The following TRPM7 variants were observed in gnomAD, a reference collection of about 807,000 sequenced individuals.
TRPM7 encodes LTRPC ion channel family member 7.
A neutral mutation model predicts 229.7 loss-of-function variants in TRPM7; 134 were observed. The ratio of observed to expected loss-of-function variants is 0.58; its 90% CI spans 0.51 to 0.67. The LOEUF (loss-of-function observed/expected upper bound fraction) is 0.67. Among genes scored for constraint, TRPM7 ranks in the 30% least tolerant of loss-of-function variants. TRPM7 has a pLI of 0.00. For missense variants in TRPM7, 1,901 were observed against 2,210.0 expected (o/e 0.86, Z 2.80); for synonymous variants, 699 against 715.2 (o/e 0.98, Z 0.36).
chr15:50,592,271 C>T lies in TRPM7; in HGVS notation c.3964G>A (p.Asp1322Asn), dbSNP rs778372316. 8.1e-6 allele frequency: 13 copies of T among 1,613,692 alleles called. No individual in the cohort carries two copies. The highest frequency in any genetic ancestry group is 3.3e-5 in the Admixed American group (2 of 59,950). ...PFHCNILMKDDKDPQCNIFGQ... is the reference protein window; with the variant it reads ...PFHCNILMKDNKDPQCNIFGQ... The stretch of plus-strand genomic sequence containing the variant: ...AATATATTACACTGGGGATCTTTGT[C>T]ATCTTTCATTAAAATATTACAATGA... The change falls in exon 26 of 39, where the codon GAC (aspartate) becomes AAC (asparagine). Residue 1322 changes from aspartate (D) to asparagine (N), a missense_variant. Coordinates refer to ENST00000646667, the MANE Select transcript of TRPM7 (RefSeq NM_017672.6).
At chr15:50,589,720 C>A in intron 26 of TRPM7, 64 bp from the exon 27 acceptor site, 1 of 1,078,140 alleles carries the variant, frequency 9.3e-7, no homozygotes, top group South Asian at 1.4e-5. Flanking sequence ...AATAATGGCA[C>A]TGCTTAAAGT....
intron 4 of TRPM7, among the ~76,000 whole-genome samples, chr15:50,648,069 C>A (rs565526549): frequency 6.6e-5 from 10 of 152,224 alleles, no homozygotes; most frequent in African/African-American, 1.9e-4. Context: ...AGCCACTGTG[C>A]CTGGCCTATA....
chr15:50,611,354 A>G, intron 16 of TRPM7, 33 bp from the exon 17 acceptor site: 1 of 1,540,638 alleles, frequency 6.5e-7, no homozygotes, highest in Non-Finnish European at 8.9e-7. Context: ...ATATACTCAG[A>G]TTAACAAACT....
chr15:50,669,527 T>A (rs1311383180), intron 1 of TRPM7, among the ~76,000 whole-genome samples: 1 of 152,160 alleles, frequency 6.6e-6, no homozygotes, highest in East Asian at 1.9e-4. Flanking sequence ...CAAAGCCAAT[T>A]TCGAAAGCCT....
chr15:50,603,728 T>C (rs944520716), intron 21 of TRPM7, among the ~76,000 whole-genome samples: 18 of 152,092 alleles, frequency 1.2e-4, no homozygotes, highest in Non-Finnish European at 1.5e-4. Context: ...GACATTTGGG[T>C]TGGTTCCAAG....
intron 7 of TRPM7, among the ~76,000 whole-genome samples, chr15:50,635,566 G>C (rs566198880): frequency 6.6e-6 from 1 of 150,386 alleles, no homozygotes; most frequent in Non-Finnish European, 1.5e-5. Context: ...GGGAGGCTGA[G>C]GCAGGAGAAT....
rs567465781 is a variant in TRPM7 at position 50,638,056 on chromosome 15, AAACTACAAAAATTAGAT to A, written c.661-480_661-464del. 2.0e-5 allele frequency among the ~76,000 whole-genome samples: 3 copies of A among 151,978 alleles called. No homozygotes were observed. The East Asian group carries it at 5.8e-4, about 29-fold the overall frequency. ...ACATGGTGAAACCCCATCTCTACTA[AAACTACAAAAATTAGAT>A]GGGAGGCCGGGCGCGGTGGCTCACG... On this transcript the variant is annotated intron_variant, in intron 6 of 38. Transcript: ENST00000646667.
Position 50,607,346 on chromosome 15 carries a change from G to C in TRPM7, c.2581-18C>G. ...TATGCCAACTAATGAAAAAGTAAAG[G>C]TTACATAAATAACATTGGTTACAAA... On this transcript the variant is annotated intron_variant, in intron 19 of 38. Transcript: ENST00000646667. 1 of 1,521,394 alleles carries C rather than the reference G, an allele frequency of 6.6e-7. No individual in the cohort carries two copies. Among genetic ancestry groups the C allele is most frequent in the Non-Finnish European group, 8.8e-7 (1 of 1,132,048 alleles). The allele number at this position is 1,521,394 out of a possible 1,614,324, so 94.2% of individuals were successfully genotyped here. A position where few individuals can be genotyped will look rare whatever the true frequency, so the allele number is the denominator to read the frequency against.
chr15:50,636,382 G>A (rs2060908527), intron 7 of TRPM7, among the ~76,000 whole-genome samples: 1 of 151,984 alleles, frequency 6.6e-6, no homozygotes, highest in African/African-American at 2.4e-5. Context: ...GGAGAGACAG[G>A]GTTTCACCAT....
intron 3 of TRPM7, among the ~76,000 whole-genome samples, chr15:50,655,677 T>C (rs1481419972): frequency 6.6e-6 from 1 of 151,970 alleles, no homozygotes; most frequent in Non-Finnish European, 1.5e-5. Flanking sequence ...AAACAAAAGC[T>C]ACAAGATAAA....
At chr15:50,625,176 AT>A (rs2060521168) in intron 11 of TRPM7, among the ~76,000 whole-genome samples, 1 of 152,182 alleles carries the variant, frequency 6.6e-6, no homozygotes, top group Non-Finnish European at 1.5e-5. Flanking sequence ...ATTTTTTAAT[AT>A]TTTGTATATT....
chr15:50,605,284 T>C (rs1475410252), intron 20 of TRPM7, 140 bp from the exon 21 acceptor site: 4 of 779,932 alleles, frequency 5.1e-6, no homozygotes, highest in South Asian at 4.4e-5. Context: ...AGAGTCTCGC[T>C]CTATTGCCCA....
intron 1 of TRPM7, among the ~76,000 whole-genome samples, chr15:50,667,120 G>T (rs150873613): frequency 6.6e-6 from 1 of 152,056 alleles, no homozygotes; most frequent in African/African-American, 2.4e-5. Context: ...CTGCAGCATT[G>T]ATTGGCCGAC....
At chr15:50,586,596 A>T in intron 27 of TRPM7, 108 bp from the exon 28 acceptor site, 1 of 656,032 alleles carries the variant, frequency 1.5e-6, no homozygotes, top group Non-Finnish European at 2.6e-6. Context: ...AATATGCTTT[A>T]TTCTACCTGG....
chr15:50,592,572 T>A lies in TRPM7; in HGVS notation c.3663A>T (p.Ile1221=). The part of the protein sequence containing the change: ...IKEVGDRVNY[I]KRSLQSLDSQ... ...AATCTAATGATTGTAATGATCTTTT[T>A]ATGTAGTTGACACGATCTCCAACTT... is the stretch of plus-strand genomic sequence containing the variant. Residue 1221 remains isoleucine (I), a synonymous_variant, in exon 26 of 39, where the codon ATA becomes ATT. Coordinates refer to ENST00000646667, the MANE Select transcript of TRPM7 (RefSeq NM_017672.6). 1 of 1,609,074 alleles carries A rather than the reference T, an allele frequency of 6.2e-7. No individual in the cohort carries two copies. The highest frequency in any genetic ancestry group is 8.5e-7 in the Non-Finnish European group (1 of 1,179,674).
intron 9 of TRPM7, among the ~76,000 whole-genome samples, chr15:50,632,094 G>A (rs1393971187): frequency 6.6e-6 from 1 of 152,084 alleles, no homozygotes; most frequent in South Asian, 2.1e-4. Flanking sequence ...CGTGAGGTTA[G>A]GAGTTCGAGA....
chr15:50,605,527 GT>G (rs1350629388), intron 20 of TRPM7, among the ~76,000 whole-genome samples: 1 of 152,198 alleles, frequency 6.6e-6, no homozygotes, highest in Non-Finnish European at 1.5e-5. Flanking sequence ...AATGGTTTAA[GT>G]AGCTGTATTT....
intron 1 of TRPM7, among the ~76,000 whole-genome samples, chr15:50,666,895 G>A (rs1349095622): frequency 1.3e-5 from 2 of 152,114 alleles, no homozygotes; most frequent in Admixed American, 6.6e-5. Context: ...GAAAATAACA[G>A]GCTGTTCTGC....
chr15:50,660,520 T>C (rs1459822699), intron 2 of TRPM7, among the ~76,000 whole-genome samples: 2 of 152,154 alleles, frequency 1.3e-5, no homozygotes, highest in Non-Finnish European at 2.9e-5. Context: ...GTGGGCGTGG[T>C]AGCGCATGCC....
Sources: allele counts gnomAD v4.1 joint callset (sites outside exome capture counted in the v4.1 genomes callset), GRCh38; gene constraint gnomAD v4.1.1; transcripts MANE v1.5; gene names NCBI Gene and HGNC (gene_info 2026-07-23, HGNC 2026-07-21).